Variants in GATB observed in about 807,000 individuals in gnomAD.
The protein encoded by GATB is glutamyl-tRNA(Gln) amidotransferase subunit B, mitochondrial.
GATB carries 39 observed loss-of-function variants against 62.3 expected under a neutral mutation model. That is an observed-to-expected ratio of 0.63 (90% CI 0.48 to 0.82). The LOEUF is 0.82. Among genes scored for constraint, GATB ranks in the 40% least tolerant of loss-of-function variants. The probability of loss-of-function intolerance (pLI) is 0.00; values close to 1 mark genes in which losing one functional copy is unlikely to be tolerated. For missense variants in GATB, 670 were observed against 684.0 expected (o/e 0.98, Z 0.23); for synonymous variants, 276 against 258.9 (o/e 1.07, Z -0.63).
chr4:151,681,171 T>C (rs914081796), intron 10 of GATB, among the ~76,000 whole-genome samples: 1 of 152,242 alleles, frequency 6.6e-6, no homozygotes, highest in African/African-American at 2.4e-5. Context: ...TCCCGGGCTC[T>C]AAACCAATGG....
At chr4:151,685,891 G>A (rs367910062) in intron 10 of GATB, among the ~76,000 whole-genome samples, 2 of 52,680 alleles carry the variant, frequency 3.8e-5, no homozygotes, top group African/African-American at 1.1e-4. Flanking sequence ...CTACTAAAAA[G>A]AAAATACAAA....
intron 2 of GATB, chr4:151,722,900 G>A (rs1029345126): frequency 1.3e-5 from 2 of 152,126 alleles, no homozygotes; most frequent in East Asian, 1.9e-4. Flanking sequence ...CCTCTAAGGT[G>A]TTACCTGCCA....
Position 151,735,247 on chromosome 4 carries a change from A to AC in GATB, c.328-15710_328-15709insG, listed in dbSNP as rs1553969294. Reference sequence around the variant, plus strand: ...AACAAATCAGTAAGAAAAAAAAAAAAAAACAAACAATCCCATCAGAAAGTG... The same window carrying AC: ...AACAAATCAGTAAGAAAAAAAAAAAACAAACAAACAATCCCATCAGAAAGTG... On this transcript the variant is annotated intron_variant, in intron 2 of 12. Coordinates refer to ENST00000263985, the MANE Select transcript of GATB (RefSeq NM_004564.3). 1.9e-3 allele frequency among the ~76,000 whole-genome samples: 285 copies of AC among 151,932 alleles called. 3 individuals are homozygous for AC. The highest frequency in any genetic ancestry group is 6.3e-3 in the African/African-American group (261 of 41,398).
At chr4:151,673,605 G>A (rs1737928040) in intron 11 of GATB, 1 of 151,996 alleles carries the variant, frequency 6.6e-6, no homozygotes, top group African/African-American at 2.4e-5. Context: ...GATAATGAAC[G>A]CTAATGTTTG....
chr4:151,685,550 T>G (rs4696105), intron 10 of GATB, among the ~76,000 whole-genome samples: 90,601 of 151,800 alleles, frequency 0.6, 29,598 homozygotes, highest in African/African-American at 0.89. Flanking sequence ...TCCCAATCAT[T>G]CCAGTTCTTT....
chr4:151,680,853 A>C (rs1286303845), intron 10 of GATB, among the ~76,000 whole-genome samples: 1 of 152,198 alleles, frequency 6.6e-6, no homozygotes, highest in Non-Finnish European at 1.5e-5. Context: ...CATCATCGTC[A>C]ATGCTCAAAA....
chr4:151,717,439 A>C, intron 3 of GATB: 1 of 217,492 alleles, frequency 4.6e-6, no homozygotes, highest in Non-Finnish European at 9.1e-6. Context: ...ATTAGCCTAA[A>C]CTCTGCATCT....
intron 9 of GATB, among the ~76,000 whole-genome samples, chr4:151,694,121 A>G (rs1738424148): frequency 1.3e-5 from 2 of 152,216 alleles, no homozygotes; most frequent in South Asian, 4.1e-4. Flanking sequence ...GTTGCTCAAT[A>G]GGAGCTTTCT....
At chr4:151,721,506 T>C (rs1739031919) in intron 2 of GATB, 1 of 152,272 alleles carries the variant, frequency 6.6e-6, no homozygotes, top group Non-Finnish European at 1.5e-5. Flanking sequence ...GTTACTGAGA[T>C]ACAAACATAG....
Position 151,684,673 on chromosome 4 carries a change from G to A in GATB, c.1331+3957C>T, listed in dbSNP as rs114384298. 1.8e-3 allele frequency among the ~76,000 whole-genome samples: 279 copies of A among 152,356 alleles called. 3 individuals carry two copies. The highest frequency in any genetic ancestry group is 2.9e-3 in the Non-Finnish European group (198 of 68,036). The stretch of plus-strand genomic sequence containing the variant: ...ACGTTCTTTGAACTGTGTAGGAAAA[G>A]AGCTGCTATGGTTTGGTTTTGGCTT... On this transcript the variant is annotated intron_variant, in intron 10 of 12. Coordinates refer to ENST00000263985, the MANE Select transcript of GATB (RefSeq NM_004564.3).
Position 151,728,811 on chromosome 4 carries a change from T to C in GATB, c.328-9273A>G, listed in dbSNP as rs141094433. On this transcript the variant is annotated intron_variant, in intron 2 of 12. Coordinates refer to ENST00000263985, the MANE Select transcript of GATB (RefSeq NM_004564.3). ...TAAGATTAGTATTAAGTTGAAAGAT[T>C]TGACTATTGCTAAGAAACAAAACAA... 3.9e-5 allele frequency among the ~76,000 whole-genome samples: 6 copies of C among 152,362 alleles called. No homozygotes were observed. The East Asian group carries it at 1.2e-3, about 29-fold the overall frequency.
chr4:151,678,262 C>T (rs781590210), intron 11 of GATB, among the ~76,000 whole-genome samples: 8 of 152,174 alleles, frequency 5.3e-5, no homozygotes, highest in Non-Finnish European at 1.2e-4. Flanking sequence ...AATCTGAAAG[C>T]GTCCCTACAT....
At chr4:151,698,997 T>C (rs898921544) in intron 9 of GATB, among the ~76,000 whole-genome samples, 2 of 152,024 alleles carry the variant, frequency 1.3e-5, no homozygotes, top group African/African-American at 4.8e-5. Context: ...TGTGTGTGTG[T>C]GTGCATGTGT....
At chr4:151,702,880 C>T (rs1738633703) in intron 8 of GATB, among the ~76,000 whole-genome samples, 1 of 152,134 alleles carries the variant, frequency 6.6e-6, no homozygotes. Flanking sequence ...GGCTCACTGC[C>T]AGATCTCTTC....
At chr4:151,743,335 T>C (rs1163289585) in intron 2 of GATB, among the ~76,000 whole-genome samples, 1 of 152,238 alleles carries the variant, frequency 6.6e-6, no homozygotes, top group East Asian at 1.9e-4. Context: ...AACATTCTTG[T>C]CTTTGCTCTC....
intron 9 of GATB, 29 bp from the exon 10 acceptor site, chr4:151,688,792 TA>T: frequency 2.6e-6 from 4 of 1,562,122 alleles, no homozygotes; most frequent in Non-Finnish European, 3.4e-6. Flanking sequence ...GAAAATTACA[TA>T]AAGCCTCCCC....
chr4:151,678,053 A>G (rs896054208), intron 11 of GATB, among the ~76,000 whole-genome samples: 1 of 152,128 alleles, frequency 6.6e-6, no homozygotes, highest in African/African-American at 2.4e-5. Flanking sequence ...TGATCAACAT[A>G]TATTACTTTC....
chr4:151,675,660 T>C (rs1274070207), intron 11 of GATB: 1 of 152,380 alleles, frequency 6.6e-6, no homozygotes, highest in East Asian at 1.9e-4. Context: ...CAAGTGCAAC[T>C]GTTTCCAGCC....
chr4:151,718,272 CTA>C (rs1217215351), intron 3 of GATB, among the ~76,000 whole-genome samples: 2 of 152,116 alleles, frequency 1.3e-5, no homozygotes, highest in Non-Finnish European at 1.5e-5. Context: ...ATTTGTAAAA[CTA>C]AGCTCTGGGT....
Sources: gnomAD v4.1 joint callset for allele counts (sites outside exome capture counted in the v4.1 genomes callset) on GRCh38, gnomAD v4.1.1 for gene constraint, MANE v1.5 for transcripts, NCBI Gene and HGNC (gene_info 2026-07-23, HGNC 2026-07-21) for gene names.